The following CPXM2 variants were observed in gnomAD, a reference collection of about 807,000 sequenced individuals.
The protein encoded by CPXM2 is inactive carboxypeptidase-like protein X2.
CPXM2 carries 66 observed loss-of-function variants against 86.1 expected under a neutral mutation model. The observed-to-expected ratio is 0.77, with a 90% confidence interval of 0.63 to 0.94. The LOEUF is 0.94. Ranked by LOEUF, CPXM2 falls within the 40% of genes least tolerant of loss-of-function variation. The pLI is 0.00. For synonymous variants in CPXM2, 388 were observed against 400.2 expected (o/e 0.97, Z 0.36); for missense variants, 948 against 1,026.3 (o/e 0.92, Z 1.04).
chr10:123,750,439 C>G (rs1406822658), intron 13 of CPXM2: 2 of 984,522 alleles, frequency 2.0e-6, no homozygotes, highest in Non-Finnish European at 2.4e-6. Context: ...TTCCCTCCAA[C>G]TGGAATGCTA....
At chr10:123,893,825 C>T (rs777110915), upstream of CPXM2, among the ~76,000 whole-genome samples, 9 of 152,180 alleles carry the variant, frequency 5.9e-5, no homozygotes, top group Non-Finnish European at 8.8e-5. Context: ...CTGTGTGAAG[C>T]GCTAACAAGA....
rs1848343577 is a variant in CPXM2, at chr10:123,839,577, G to C, written c.653+2772C>G. On this transcript the variant is annotated intron_variant, in intron 4 of 13. Transcript: ENST00000241305. ...ATCACAGACTAGTGGGAAGAAATAT[G>C]AAAACCAAACAACAGAAATATAAAA... Among the ~76,000 whole-genome samples, 6 of 152,252 alleles carry C rather than the reference G, an allele frequency of 3.9e-5. No homozygotes were observed. In the South Asian group the frequency reaches 1.2e-3, roughly 32 times the overall value.
In CPXM2 at chr10:123,914,464, G is replaced by A. The variant is rs568931449; in HGVS notation, n.174+25013C>T. The stretch of plus-strand genomic sequence containing the variant: ...CTTTAAATTCTTGCAGAGAAGTCCC[G>A]TGTTCCAGGTCTGTGTGACTGACAG... On this transcript the variant is annotated intron_variant and non_coding_transcript_variant, in intron 2 of 19. Coordinates refer to the CPXM2 transcript ENST00000368854. 3.9e-5 allele frequency among the ~76,000 whole-genome samples: 6 copies of A among 152,208 alleles called. No individual in the cohort carries two copies. The South Asian group carries it at 6.2e-4, about 16-fold the overall frequency.
At chr10:123,883,648 T>C (rs548151593) in intron 1 of CPXM2, among the ~76,000 whole-genome samples, 94 of 152,302 alleles carry the variant, frequency 6.2e-4, no homozygotes, top group African/African-American at 2.2e-3. Flanking sequence ...CATTTTCACA[T>C]AGATTCTAAC....
chr10:123,837,773 GT>G (rs1848308708), intron 4 of CPXM2, among the ~76,000 whole-genome samples: 1 of 152,018 alleles, frequency 6.6e-6, no homozygotes, highest in Non-Finnish European at 1.5e-5. Flanking sequence ...ATTTGTATAA[GT>G]TATCGTATTA....
intron 6 of CPXM2, among the ~76,000 whole-genome samples, chr10:123,780,675 C>T (rs956306999): frequency 6.6e-6 from 1 of 152,238 alleles, no homozygotes; most frequent in Non-Finnish European, 1.5e-5. Context: ...ACTACACACA[C>T]ATACTTGGAG....
chr10:123,746,717 G>T lies in CPXM2; in HGVS notation c.*47C>A, dbSNP rs149128682. ...TCCACTATGGAGCTACTACCAGGTT[G>T]GTTTAATTTGCATGGGTCCCAGACG... On this transcript the variant is annotated 3_prime_UTR_variant, in exon 14 of 14. Transcript: ENST00000241305. 1.3e-5 allele frequency: 21 copies of T among 1,584,954 alleles called. No individual in the cohort carries two copies. In the African/African-American group the frequency reaches 1.5e-4, roughly 11 times the overall value.
At chr10:123,814,913 T>C (rs1455833331) in intron 4 of CPXM2, among the ~76,000 whole-genome samples, 2 of 152,146 alleles carry the variant, frequency 1.3e-5, no homozygotes, top group East Asian at 1.9e-4. Flanking sequence ...TAGTCCCAGC[T>C]ACTCGGCAGG....
At chr10:123,783,376 G>C (rs1326263783) in intron 6 of CPXM2, among the ~76,000 whole-genome samples, 1 of 152,228 alleles carries the variant, frequency 6.6e-6, no homozygotes, top group East Asian at 1.9e-4. Context: ...CTCATGTGGG[G>C]AATCTATTCC....
chr10:123,833,085 C>T (rs1848200502), intron 4 of CPXM2, among the ~76,000 whole-genome samples: 2 of 152,158 alleles, frequency 1.3e-5, no homozygotes, highest in Admixed American at 1.3e-4. Context: ...GAGAAACAAA[C>T]TTCAATTACG....
chr10:123,861,479 TG>T (rs1848847822), intron 3 of CPXM2, among the ~76,000 whole-genome samples: 1 of 152,182 alleles, frequency 6.6e-6, no homozygotes, highest in Admixed American at 6.5e-5. Context: ...CCGCAGAACC[TG>T]TGCATATATT....
intron 2 of CPXM2, among the ~76,000 whole-genome samples, chr10:123,910,832 C>T (rs1052580182): frequency 2.7e-5 from 4 of 148,470 alleles, no homozygotes; most frequent in Non-Finnish European, 4.5e-5. Flanking sequence ...ACTCCCTCCA[C>T]CAGCTCTCGG....
chr10:123,812,068 T>C (rs1272210682), intron 4 of CPXM2, among the ~76,000 whole-genome samples: 1 of 152,228 alleles, frequency 6.6e-6, no homozygotes, highest in Non-Finnish European at 1.5e-5. Context: ...TTCCTATGTA[T>C]ATATCATGGG....
intron 4 of CPXM2, among the ~76,000 whole-genome samples, chr10:123,839,651 T>C (rs779215835): frequency 6.6e-5 from 10 of 152,206 alleles, no homozygotes; most frequent in South Asian, 2.1e-4. Flanking sequence ...GGACAGGTCA[T>C]GGCAAGAGAG....
chr10:123,836,120 T>C (rs907746622), intron 4 of CPXM2, among the ~76,000 whole-genome samples: 1 of 152,088 alleles, frequency 6.6e-6, no homozygotes, highest in African/African-American at 2.4e-5. Flanking sequence ...CAGTGTACCC[T>C]GGAGATCCCC....
intron 2 of CPXM2, among the ~76,000 whole-genome samples, chr10:123,867,649 C>T (rs1254225215): frequency 6.7e-6 from 1 of 150,258 alleles, no homozygotes; most frequent in Non-Finnish European, 1.5e-5. Flanking sequence ...TCTCCTGCTT[C>T]AGCCTCCCAA....
At chr10:123,795,580 C>T (rs1012765778) in intron 6 of CPXM2, among the ~76,000 whole-genome samples, 4 of 152,152 alleles carry the variant, frequency 2.6e-5, no homozygotes, top group African/African-American at 9.7e-5. Context: ...TCCCTAGCAC[C>T]GGGGTGATAA....
intron 6 of CPXM2, among the ~76,000 whole-genome samples, chr10:123,793,606 G>T (rs1847258947): frequency 6.6e-6 from 1 of 152,212 alleles, no homozygotes. Flanking sequence ...CAACCAGAAG[G>T]GCTCAGCTGG....
intron 4 of CPXM2, among the ~76,000 whole-genome samples, chr10:123,829,202 T>G (rs1197452944): frequency 6.6e-6 from 1 of 152,026 alleles, no homozygotes; most frequent in Non-Finnish European, 1.5e-5. Context: ...ATGGCTAAAA[T>G]AAAAAATAGT....
Sources: allele counts gnomAD v4.1 joint callset (sites outside exome capture counted in the v4.1 genomes callset), GRCh38; gene constraint gnomAD v4.1.1; transcripts MANE v1.5; gene names NCBI Gene and HGNC (gene_info 2026-07-23, HGNC 2026-07-21).